Variants in ZNF518B observed in about 807,000 individuals in gnomAD.
The protein encoded by ZNF518B is zinc finger protein 518B.
In ZNF518B, 23 loss-of-function variants were observed where a neutral mutation model predicts 56.3. The observed-to-expected ratio is 0.41, with a 90% confidence interval of 0.29 to 0.58. ZNF518B has a LOEUF of 0.58. ZNF518B is among the 20% of genes least tolerant of loss of function. The pLI, the probability that ZNF518B is intolerant of heterozygous loss-of-function variation, is 0.32. For missense variants in ZNF518B, 1,460 were observed against 1,272.1 expected (o/e 1.15, Z -2.25); for synonymous variants, 529 against 465.9 (o/e 1.14, Z -1.74).
chr4:10,444,588 T>C lies in ZNF518B; in HGVS notation c.1741A>G (p.Lys581Glu), dbSNP rs779456163. ...ATCTGGCCTACAGTTGAAACTGCCT[T>C]GTGTTCCTCTGTCTGGTTATCTTCC... ...KQEDNQTEEH[K>E]AVSTVGQISS... Residue 581 changes from lysine to glutamate, a missense_variant, in exon 3 of 3, where the codon AAG becomes GAG. Lys to Glu is a moderately conservative substitution (Grantham distance 56, BLOSUM62 1). Coordinates refer to ENST00000326756, the MANE Select transcript of ZNF518B (RefSeq NM_053042.3). 3.1e-6 allele frequency: 5 copies of C among 1,613,908 alleles called. No homozygotes were observed. Among genetic ancestry groups the C allele is most frequent in the Non-Finnish European group, 3.4e-6 (4 of 1,179,802 alleles).
At chr4:10,458,145 T>C (rs1474091540), upstream of ZNF518B, among the ~76,000 whole-genome samples, 1 of 152,018 alleles carries the variant, frequency 6.6e-6, no homozygotes, top group Non-Finnish European at 1.5e-5. Context: ...GCATCTACGG[T>C]CCGGAAGGAA....
chr4:10,452,221 C>G (rs1000076579), intron 2 of ZNF518B: 4 of 152,166 alleles, frequency 2.6e-5, no homozygotes, highest in African/African-American at 9.7e-5. Context: ...GATCCTGTCC[C>G]TCATTTGCAG....
chr4:10,447,203 G>A (rs183557651), intron 2 of ZNF518B, among the ~76,000 whole-genome samples: 3 of 152,326 alleles, frequency 2.0e-5, no homozygotes, highest in Admixed American at 1.3e-4. Context: ...TGCACACACT[G>A]CACAGGGGGA....
chr4:10,453,199 T>C (rs192334547), intron 2 of ZNF518B: 6 of 152,374 alleles, frequency 3.9e-5, no homozygotes, highest in Admixed American at 3.9e-4. Context: ...GGGAGGTAAC[T>C]TTATGCTTGG....
chr4:10,444,527 T>A lies in ZNF518B; in HGVS notation c.1802A>T (p.Asn601Ile), dbSNP rs1427420200. The A allele has an allele frequency of 6.2e-7, 1 of 1,613,994 alleles. No homozygotes were observed. Among genetic ancestry groups the A allele is most frequent in the Non-Finnish European group, 8.5e-7 (1 of 1,180,014 alleles). ...SQHKSEYLHI[N>I]ITGEDRSQQP... Reference sequence around the variant, plus strand: ...TTGAGATCTATCTTCTCCAGTTATGTTTATATGTAAATACTCACTCTTATG... The same window carrying A: ...TTGAGATCTATCTTCTCCAGTTATGATTATATGTAAATACTCACTCTTATG... Residue 601 changes from asparagine (N) to isoleucine (I), a missense_variant, in exon 3 of 3, where the codon AAC becomes ATC. By Grantham distance (149) the Asn-to-Ile change is moderately radical (BLOSUM62 -3). Transcript: ENST00000326756.
intron 2 of ZNF518B, among the ~76,000 whole-genome samples, chr4:10,450,227 G>A (rs1715244550): frequency 6.6e-6 from 1 of 152,216 alleles, no homozygotes; most frequent in Non-Finnish European, 1.5e-5. Flanking sequence ...AGCAAATGCA[G>A]TGTGATGGGG....
chr4:10,443,812 G>T lies in ZNF518B; in HGVS notation c.2517C>A (p.Ile839=). 1.9e-6 allele frequency: 3 copies of T among 1,614,164 alleles called. No individual in the cohort carries two copies. The highest frequency in any genetic ancestry group is 2.5e-6 in the Non-Finnish European group (3 of 1,180,034). ...TCAGTTTAGGCCGCAGAGGTGTCTC[G>T]ATATTTGGGGACATATCTATTGGCC... ...ERGPIDMSPN[I]ETPLRPKLRK... The change falls in exon 3 of 3, where the codon ATC becomes ATA. Residue 839 remains isoleucine, a synonymous_variant. Coordinates refer to ENST00000326756, the MANE Select transcript of ZNF518B (RefSeq NM_053042.3).
rs1345273788 is a variant in ZNF518B at position 10,440,640 on chromosome 4, G to A, written c.*2464C>T. The A allele has an allele frequency of 1.3e-5, 2 of 152,232 alleles. No homozygotes were observed. 9.4% of individuals were successfully genotyped at this position (152,232 alleles called of 1,614,324 possible). ...ATTCCTTAAAAAGTATTCTAGTTCT[G>A]AAAATCCTAAAAAGCTTTGCTACAT... On this transcript the variant is annotated 3_prime_UTR_variant, in exon 3 of 3. Coordinates refer to ENST00000326756, the MANE Select transcript of ZNF518B (RefSeq NM_053042.3).
In ZNF518B at chr4:10,445,879, G is replaced by A. The variant is rs1326093157; in HGVS notation, c.450C>T (p.Tyr150=). ...CRFSTKDPLQ[Y]KKHTLQHEEI... Reference sequence around the variant, plus strand: ...CCTCGTGTTGAAGGGTGTGCTTTTTGTACTGCAGCGGGTCCTTTGTAGAGA... The same window carrying A: ...CCTCGTGTTGAAGGGTGTGCTTTTTATACTGCAGCGGGTCCTTTGTAGAGA... Residue 150 remains tyrosine, a synonymous_variant, in exon 3 of 3, where the codon TAC becomes TAT. Transcript: ENST00000326756. 3.1e-6 allele frequency: 5 copies of A among 1,614,102 alleles called. No homozygotes were observed. Among genetic ancestry groups the A allele is most frequent in the Non-Finnish European group, 4.2e-6 (5 of 1,180,044 alleles).
rs201428422 is a variant in ZNF518B, at chr4:10,443,112, C to T, written c.3217G>A (p.Gly1073Ser). ...AAAGAGTAACTGTTTACTTATTTGC[C>T]CTTGGAGGAAAGAACATCCCAATCT... ...TRDWDVLSSK[G>S]K Residue 1073 changes from glycine to serine, a missense_variant, in exon 3 of 3, where the codon GGC becomes AGC. Transcript: ENST00000326756. 1.9e-5 allele frequency: 31 copies of T among 1,610,974 alleles called. No individual in the cohort carries two copies. Among genetic ancestry groups the T allele is most frequent in the South Asian group, 3.3e-5 (3 of 90,680 alleles).
intron 2 of ZNF518B, among the ~76,000 whole-genome samples, chr4:10,450,491 G>T (rs2108993167): frequency 6.6e-6 from 1 of 152,310 alleles, no homozygotes; most frequent in East Asian, 1.9e-4. Context: ...ACAGCCACAT[G>T]GAAGAATGAA....
chr4:10,449,541 T>C (rs1715210448), intron 2 of ZNF518B, among the ~76,000 whole-genome samples: 1 of 152,228 alleles, frequency 6.6e-6, no homozygotes, highest in Admixed American at 6.5e-5. Flanking sequence ...AGCTTTCCTA[T>C]AAATTTCCTT....
At chr4:10,461,334 C>A (rs1196185427), upstream of ZNF518B, among the ~76,000 whole-genome samples, 1 of 152,222 alleles carries the variant, frequency 6.6e-6, no homozygotes, top group East Asian at 1.9e-4. Flanking sequence ...TCGGCCGCCG[C>A]GGCTGCCGCG....
In ZNF518B at chr4:10,442,170, A is replaced by C. The variant is rs1443889948; in HGVS notation, c.*934T>G. On this transcript the variant is annotated 3_prime_UTR_variant, in exon 3 of 3. Coordinates refer to ENST00000326756, the MANE Select transcript of ZNF518B (RefSeq NM_053042.3). ...CACCCATGGTCTTTGGATGAATCCC[A>C]AATGAAAACTAAAGGGCATATGAAA... The C allele has an allele frequency of 2.6e-5, 4 of 152,224 alleles. No homozygotes were observed. Among genetic ancestry groups the C allele is most frequent in the Non-Finnish European group, 5.9e-5 (4 of 68,042 alleles). The allele number at this position is 152,224 out of a possible 1,614,324, so 9.4% of individuals were successfully genotyped here. A position where few individuals can be genotyped will look rare whatever the true frequency, so the allele number is the denominator to read the frequency against.
upstream of ZNF518B, among the ~76,000 whole-genome samples, chr4:10,460,305 AAAAAAAAAAAAAAAAAAACC>A (rs1352436775): frequency 2.8e-4 from 14 of 49,246 alleles, no homozygotes; most frequent in African/African-American, 1.1e-3. Context: ...ACTCTGTCTC[AAAAAAAAAAAAAAAAAAACC>A]AAAAAAAAAA....
chr4:10,456,130 AAC>A (rs1715514653), intron 1 of ZNF518B, among the ~76,000 whole-genome samples: 1 of 152,190 alleles, frequency 6.6e-6, no homozygotes, highest in Non-Finnish European at 1.5e-5. Flanking sequence ...TAAAGAGTCT[AAC>A]ACAACATTAG....
At chr4:10,456,043 A>C (rs1715511577) in intron 1 of ZNF518B, among the ~76,000 whole-genome samples, 1 of 152,212 alleles carries the variant, frequency 6.6e-6, no homozygotes, top group Non-Finnish European at 1.5e-5. Flanking sequence ...GCTCTACTGT[A>C]GAAGAGTACT....
chr4:10,443,749 T>C lies in ZNF518B; in HGVS notation c.2580A>G (p.Lys860=). The C allele has an allele frequency of 6.2e-7, 1 of 1,614,200 alleles. No homozygotes were observed. The highest frequency in any genetic ancestry group is 1.3e-5 in the African/African-American group (1 of 75,050). The change falls in exon 3 of 3, where the codon AAA becomes AAG. Residue 860 remains lysine, a synonymous_variant. Transcript: ENST00000326756. ...CTTGCTGTCCATACAAGAGGCCAGT[T>C]TTTCTATGGATGGTGCTACAGACAG... The part of the protein sequence containing the change: ...ESAVCSTIHR[K]TGLLYGQQGS...
In ZNF518B at chr4:10,444,388, G is replaced by T; in HGVS notation, c.1941C>A (p.Pro647=). 6.2e-7 allele frequency: 1 copy of T among 1,614,120 alleles called. No homozygotes were observed. The change falls in exon 3 of 3, where the codon CCC becomes CCA. Residue 647 remains proline (P), a synonymous_variant. Transcript: ENST00000326756. ...TTGAGCTATTCCACTTAATGCCCTC[G>T]GGGACATTTTCAGATCCAGAGCTCA... is the stretch of plus-strand genomic sequence containing the variant. ...FSLSSGSENV[P]EGIKWNSSTS...
Sources: gnomAD v4.1 joint callset for allele counts (sites outside exome capture counted in the v4.1 genomes callset) on GRCh38, gnomAD v4.1.1 for gene constraint, MANE v1.5 for transcripts, NCBI Gene and HGNC (gene_info 2026-07-23, HGNC 2026-07-21) for gene names.